Variants in CD5 observed in about 807,000 individuals in gnomAD.
CD5 encodes CD5 molecule.
A neutral mutation model predicts 60.3 loss-of-function variants in CD5; 36 were observed. The ratio of observed to expected loss-of-function variants is 0.60; its 90% CI spans 0.46 to 0.79. The LOEUF (loss-of-function observed/expected upper bound fraction) is 0.79, where lower values mean the gene tolerates loss of function less well. Ranked by LOEUF, CD5 falls within the 30% of genes least tolerant of loss-of-function variation. CD5 has a pLI of 0.00. For synonymous variants in CD5, 230 were observed against 257.6 expected (o/e 0.89, Z 1.03); for missense variants, 540 against 630.6 (o/e 0.86, Z 1.54).
intron 1 of CD5, among the ~76,000 whole-genome samples, chr11:61,105,290 G>A (rs1001512845): frequency 1.3e-5 from 2 of 152,240 alleles, no homozygotes; most frequent in South Asian, 2.1e-4. Flanking sequence ...TGGCCTAGCC[G>A]ATGCGACTCT....
rs1861156720 is a variant in CD5 at position 61,126,977 on chromosome 11, ACTGG to A, written c.*696_*699del. The stretch of plus-strand genomic sequence containing the variant: ...CTCATCTAAAGACACCTTCCTTTCC[ACTGG>A]CTGTCAAGCCCACAGGGCACCAGTG... On this transcript the variant is annotated 3_prime_UTR_variant, in exon 11 of 11. Transcript: ENST00000347785. The A allele has an allele frequency of 6.6e-6, 1 of 151,450 alleles. No individual in the cohort carries two copies. The highest frequency in any genetic ancestry group is 1.5e-5 in the Non-Finnish European group (1 of 67,932). The allele number at this position is 151,450 out of a possible 1,614,324, so 9.4% of individuals were successfully genotyped here. A position where few individuals can be genotyped will look rare whatever the true frequency, so the allele number is the denominator to read the frequency against.
intron 8 of CD5, 37 bp downstream of exon 8, chr11:61,123,974 C>G: frequency 6.5e-7 from 1 of 1,539,270 alleles, no homozygotes; most frequent in East Asian, 2.2e-5. Context: ...CCCTCAGGCC[C>G]TGGACAGAGG....
At chr11:61,117,577 C>T (rs1341348332) in intron 2 of CD5, among the ~76,000 whole-genome samples, 1 of 152,120 alleles carries the variant, frequency 6.6e-6, no homozygotes, top group Non-Finnish European at 1.5e-5. Context: ...CAACCTCTGC[C>T]TCCCGGGTTC....
upstream of CD5, among the ~76,000 whole-genome samples, chr11:61,098,625 T>C (rs192901665): frequency 9.8e-5 from 15 of 152,328 alleles, no homozygotes; most frequent in Non-Finnish European, 2.1e-4. Flanking sequence ...TATCAGTGCA[T>C]GCAGCCCCCA....
At chr11:61,111,475 T>C (rs1489185566) in intron 1 of CD5, among the ~76,000 whole-genome samples, 4 of 152,128 alleles carry the variant, frequency 2.6e-5, no homozygotes, top group East Asian at 1.9e-4. Flanking sequence ...TGCTCAACAG[T>C]TGGCAGCTGC....
intron 1 of CD5, among the ~76,000 whole-genome samples, chr11:61,112,976 G>A (rs933887016): frequency 2.0e-5 from 3 of 152,172 alleles, no homozygotes; most frequent in African/African-American, 7.2e-5. Context: ...GTCTTGCTAT[G>A]TTGTCCAGGC....
intron 7 of CD5, 41 bp downstream of exon 7, chr11:61,123,073 G>A (rs1259364023): frequency 1.9e-5 from 30 of 1,559,584 alleles, no homozygotes; most frequent in Non-Finnish European, 2.6e-5. Context: ...CCCACGTGCA[G>A]AGACTGGAGG....
chr11:61,125,655 TGTG>T, intron 9 of CD5, 93 bp from the exon 10 acceptor site: 1 of 745,312 alleles, frequency 1.3e-6, no homozygotes, highest in Non-Finnish European at 2.2e-6. Flanking sequence ...ATAAAGCCCC[TGTG>T]ATCTTCCAAC....
intron 2 of CD5, among the ~76,000 whole-genome samples, chr11:61,116,360 C>T (rs1207727799): frequency 4.0e-5 from 6 of 151,550 alleles, no homozygotes; most frequent in African/African-American, 1.5e-4. Flanking sequence ...CTTCAAGGAG[C>T]TCTTTATGCA....
At chr11:61,111,678 C>T (rs1279112496) in intron 1 of CD5, among the ~76,000 whole-genome samples, 4 of 152,234 alleles carry the variant, frequency 2.6e-5, no homozygotes, top group Admixed American at 1.3e-4. Context: ...ACCATCTGCG[C>T]GAAGTTTCCA....
Position 61,125,029 on chromosome 11 carries a change from C to T in CD5, c.1280-3C>T, listed in dbSNP as rs540066444. Reference sequence around the variant, plus strand: ...CTGACACTGTCTCCTACCATCTGCCCAGTGTCTTTCCATCGCAACCACACG... The same window carrying T: ...CTGACACTGTCTCCTACCATCTGCCTAGTGTCTTTCCATCGCAACCACACG... On this transcript the variant is annotated splice_region_variant and splice_polypyrimidine_tract_variant and intron_variant, in intron 8 of 10. Coordinates refer to ENST00000347785, the MANE Select transcript of CD5 (RefSeq NM_014207.4). 3 of 1,614,028 alleles carry T rather than the reference C, an allele frequency of 1.9e-6. No individual in the cohort carries two copies. The highest frequency in any genetic ancestry group is 4.5e-5 in the East Asian group (2 of 44,872).
intron 9 of CD5, 50 bp from the exon 10 acceptor site, chr11:61,125,701 G>A: frequency 7.4e-7 from 1 of 1,357,574 alleles, no homozygotes; most frequent in Non-Finnish European, 1.0e-6. Context: ...GATCCAAGGG[G>A]CTCTGTGGAG....
rs562692772 is a variant in CD5 at position 61,112,523 on chromosome 11, A to T, written c.56-2533A>T. On this transcript the variant is annotated intron_variant, in intron 1 of 10. Transcript: ENST00000347785. ...GTCGGGCGTGGTGGTGCATGTCTGT[A>T]GTCCCAGCTACTCGGGAGGTTGAGG... 5.9e-4 allele frequency among the ~76,000 whole-genome samples: 90 copies of T among 152,306 alleles called. 1 individual carries two copies. The highest frequency in any genetic ancestry group is 2.0e-3 in the African/African-American group (85 of 41,564).
At chr11:61,114,214 C>T (rs1033518551) in intron 1 of CD5, among the ~76,000 whole-genome samples, 1 of 151,926 alleles carries the variant, frequency 6.6e-6, no homozygotes, top group African/African-American at 2.4e-5. Context: ...TGGGCTCAAG[C>T]GGTCCTCCCA....
At chr11:61,099,833 G>A (rs1176178821), upstream of CD5, among the ~76,000 whole-genome samples, 1 of 146,664 alleles carries the variant, frequency 6.8e-6, no homozygotes, top group African/African-American at 2.6e-5. Flanking sequence ...CCAACATGGA[G>A]ATCACACACA....
chr11:61,123,571 G>T (rs1175446941), intron 7 of CD5, among the ~76,000 whole-genome samples: 1 of 152,194 alleles, frequency 6.6e-6, no homozygotes, highest in Admixed American at 6.5e-5. Flanking sequence ...GGGCCCAGCA[G>T]GACAGTGTTA....
chr11:61,125,264 C>T, intron 9 of CD5, 113 bp downstream of exon 9: 8 of 1,206,884 alleles, frequency 6.6e-6, no homozygotes, highest in Non-Finnish European at 9.5e-6. Context: ...GAATGGAGAC[C>T]CCAGGGTGCA....
At chr11:61,098,673 TCTCAAGCAGACTCC>T (rs1860615155), upstream of CD5, among the ~76,000 whole-genome samples, 1 of 152,206 alleles carries the variant, frequency 6.6e-6, no homozygotes, top group Non-Finnish European at 1.5e-5. Flanking sequence ...ATCATGACCC[TCTCAAGCAGACTCC>T]CTTAGAGTTG....
At chr11:61,098,677 A>G (rs1424900019), upstream of CD5, among the ~76,000 whole-genome samples, 1 of 152,178 alleles carries the variant, frequency 6.6e-6, no homozygotes, top group Non-Finnish European at 1.5e-5. Flanking sequence ...TGACCCTCTC[A>G]AGCAGACTCC....
Sources: allele counts gnomAD v4.1 joint callset (sites outside exome capture counted in the v4.1 genomes callset), GRCh38; gene constraint gnomAD v4.1.1; transcripts MANE v1.5; gene names NCBI Gene and HGNC (gene_info 2026-07-23, HGNC 2026-07-21).